Variants in TMEM132C observed in about 807,000 individuals in gnomAD.
The protein encoded by TMEM132C is protein phosphatase 1, regulatory subunit 152.
A neutral mutation model predicts 61.4 loss-of-function variants in TMEM132C; 29 were observed. The observed-to-expected ratio is 0.47, with a 90% CI of 0.35 to 0.64. TMEM132C has a LOEUF of 0.64. Among genes scored for constraint, TMEM132C ranks in the 30% least tolerant of loss-of-function variants. TMEM132C has a pLI of 0.00. For synonymous variants in TMEM132C, 656 were observed against 633.1 expected (o/e 1.04, Z -0.54); for missense variants, 1,408 against 1,476.9 (o/e 0.95, Z 0.76).
At chr12:128,553,510 C>A (rs890638917) in intron 3 of TMEM132C, among the ~76,000 whole-genome samples, 1 of 152,144 alleles carries the variant, frequency 6.6e-6, no homozygotes, top group African/African-American at 2.4e-5. Context: ...TGTAACTTAA[C>A]GTTGCCAAAG....
intron 1 of TMEM132C, among the ~76,000 whole-genome samples, chr12:128,340,950 T>C (rs958171057): frequency 1.3e-5 from 2 of 148,590 alleles, no homozygotes; most frequent in Admixed American, 1.3e-4. Context: ...CTCTCTTTCT[T>C]TCTTTCTTTC....
At chr12:128,482,244 C>T (rs942159306) in intron 2 of TMEM132C, among the ~76,000 whole-genome samples, 2 of 152,082 alleles carry the variant, frequency 1.3e-5, no homozygotes, top group East Asian at 1.9e-4. Context: ...GGGATGAAGC[C>T]GACTTGATCG....
At chr12:128,308,894 G>C (rs1476599797) in intron 1 of TMEM132C, among the ~76,000 whole-genome samples, 1 of 152,128 alleles carries the variant, frequency 6.6e-6, no homozygotes, top group Non-Finnish European at 1.5e-5. Context: ...TCTCTCCCTT[G>C]GTTTCCATAG....
chr12:128,705,219 C>T lies in TMEM132C; in HGVS notation c.2251C>T (p.Arg751Cys), dbSNP rs777057937. ...GGCTGTCGTGTCAGTCCCCCAGCCC[C>T]GCTCTCCCAGGTGGCCCGTTGTGGT... is the stretch of plus-strand genomic sequence containing the variant. ...DEAVVSVPQPRSPRWPVVVAE... is the reference protein window; with the variant it reads ...DEAVVSVPQPCSPRWPVVVAE... The change falls in exon 9 of 9, where the codon CGC becomes TGC. Residue 751 changes from arginine (R) to cysteine (C), a missense_variant. By Grantham distance (180) the Arg-to-Cys change is radical (BLOSUM62 -3). Coordinates refer to ENST00000435159, the MANE Select transcript of TMEM132C (RefSeq NM_001136103.3). The T allele has an allele frequency of 2.0e-5, 31 of 1,551,604 alleles. No homozygotes were observed. The highest frequency in any genetic ancestry group is 2.4e-5 in the South Asian group (2 of 84,068).
intron 2 of TMEM132C, among the ~76,000 whole-genome samples, chr12:128,531,600 C>T (rs985723213): frequency 2.0e-5 from 3 of 152,214 alleles, no homozygotes; most frequent in Admixed American, 6.5e-5. Context: ...CACACAGGCA[C>T]ATACCTGCTC....
At chr12:128,513,211 G>A (rs1432939034) in intron 2 of TMEM132C, among the ~76,000 whole-genome samples, 2 of 152,154 alleles carry the variant, frequency 1.3e-5, no homozygotes, top group Non-Finnish European at 2.9e-5. Flanking sequence ...ACAGGGGAAG[G>A]ACTGCTTCGG....
At chr12:128,351,804 C>T (rs922549247) in intron 1 of TMEM132C, among the ~76,000 whole-genome samples, 2 of 152,222 alleles carry the variant, frequency 1.3e-5, no homozygotes, top group Non-Finnish European at 2.9e-5. Context: ...GGCCCCACCT[C>T]CAATACTGGG....
chr12:128,629,141 A>G (rs1410628900), intron 4 of TMEM132C, among the ~76,000 whole-genome samples: 1 of 152,192 alleles, frequency 6.6e-6, no homozygotes, highest in Non-Finnish European at 1.5e-5. Context: ...TTACATCATC[A>G]TCCATTCATT....
intron 4 of TMEM132C, 143 bp from the exon 5 acceptor site, chr12:128,669,274 G>C (rs1954506370): frequency 1.2e-6 from 1 of 836,464 alleles, no homozygotes; most frequent in African/African-American, 1.7e-5. Context: ...CCAAGTCCTG[G>C]TACAGTATGT....
Position 128,705,422 on chromosome 12 carries a change from G to C in TMEM132C, c.2454G>C (p.Lys818Asn). The change falls in exon 9 of 9, where the codon AAG becomes AAC. Residue 818 changes from lysine (K) to asparagine (N), a missense_variant. Physicochemically the swap from Lys to Asn is moderately conservative, Grantham distance 94. Transcript: ENST00000435159. ...GGGACTATGAGGAAGATGAGATCAA[G>C]AACCACGCCAGCGACCGCCGGCAGA... ...PGGDYEEDEIKNHASDRRQKG... is the reference protein window; with the variant it reads ...PGGDYEEDEINNHASDRRQKG... The C allele has an allele frequency of 6.4e-7, 1 of 1,550,976 alleles. No homozygotes were observed. Among genetic ancestry groups the C allele is most frequent in the South Asian group, 1.2e-5 (1 of 84,050 alleles).
chr12:128,555,409 A>C (rs564243157), intron 3 of TMEM132C, among the ~76,000 whole-genome samples: 7 of 152,348 alleles, frequency 4.6e-5, no homozygotes, highest in African/African-American at 1.7e-4. Flanking sequence ...AGATATTTGA[A>C]GATTGCAAAC....
intron 3 of TMEM132C, among the ~76,000 whole-genome samples, chr12:128,604,610 T>C (rs1045348175): frequency 2.0e-5 from 3 of 151,202 alleles, no homozygotes; most frequent in African/African-American, 7.3e-5. Context: ...GATGGCTAGA[T>C]AGATAAAAAA....
At chr12:128,327,978 T>C (rs1158629782) in intron 1 of TMEM132C, among the ~76,000 whole-genome samples, 5 of 152,066 alleles carry the variant, frequency 3.3e-5, no homozygotes, top group African/African-American at 1.2e-4. Flanking sequence ...TCTGTGTCCA[T>C]GTTAATGCTG....
chr12:128,430,212 G>T (rs770853103), intron 2 of TMEM132C, among the ~76,000 whole-genome samples: 1 of 152,106 alleles, frequency 6.6e-6, no homozygotes, highest in African/African-American at 2.4e-5. Context: ...ACTTCGCTTC[G>T]TATGACACAG....
At chr12:128,481,639 G>A (rs553280578) in intron 2 of TMEM132C, among the ~76,000 whole-genome samples, 57 of 152,338 alleles carry the variant, frequency 3.7e-4, no homozygotes, top group African/African-American at 6.7e-4. Context: ...CACCCTAGCC[G>A]TCGGATTCTG....
intron 4 of TMEM132C, among the ~76,000 whole-genome samples, chr12:128,622,360 A>AAT (rs767066742): frequency 0.026 from 787 of 29,958 alleles, 28 homozygotes; most frequent in Middle Eastern, 0.033. Context: ...AAAAAAAAAA[A>AAT]ATATATATAT....
chr12:128,464,797 G>GAGAGAAA (rs1291545708), intron 2 of TMEM132C, among the ~76,000 whole-genome samples: 144 of 104,296 alleles, frequency 1.4e-3, no homozygotes, highest in African/African-American at 2.0e-3. Flanking sequence ...AGAAAGAGAG[G>GAGAGAAA]GAGGGAGGGA....
At chr12:128,347,230 T>A (rs1873186258) in intron 1 of TMEM132C, among the ~76,000 whole-genome samples, 1 of 152,182 alleles carries the variant, frequency 6.6e-6, no homozygotes, top group South Asian at 2.1e-4. Flanking sequence ...TCCAACTCCA[T>A]CCAAGTTGCT....
Position 128,415,663 on chromosome 12 carries a change from G to T in TMEM132C, c.974+43G>T. 2 of 1,472,442 alleles carry T rather than the reference G, an allele frequency of 1.4e-6. No homozygotes were observed. Among genetic ancestry groups the T allele is most frequent in the Non-Finnish European group, 1.8e-6 (2 of 1,104,664 alleles). The allele number at this position is 1,472,442 out of a possible 1,614,324, so 91.2% of individuals were successfully genotyped here. A position where few individuals can be genotyped will look rare whatever the true frequency, so the allele number is the denominator to read the frequency against. On this transcript the variant is annotated intron_variant, in intron 2 of 8. Coordinates refer to ENST00000435159, the MANE Select transcript of TMEM132C (RefSeq NM_001136103.3). The surrounding 1 kb of genome is among the most constrained non-coding windows in gnomAD (Gnocchi z 5.8). ...CCCCTGATCATCTTTGGCATGCCTG[G>T]TGTGAGACTGGGTTCCATGCGTGGC...
Sources: allele counts gnomAD v4.1 joint callset (sites outside exome capture counted in the v4.1 genomes callset), GRCh38; gene constraint gnomAD v4.1.1; non-coding constraint Gnocchi (gnomAD v3.1); transcripts MANE v1.5; gene names NCBI Gene and HGNC (gene_info 2026-07-23, HGNC 2026-07-21).